PDE4B: variants seen among roughly 807,000 people sequenced by gnomAD.
PDE4B encodes 3',5'-cyclic-AMP phosphodiesterase 4B.
A neutral mutation model predicts 82.2 loss-of-function variants in PDE4B; 20 were observed. That is an observed-to-expected ratio of 0.24 (90% confidence interval 0.17 to 0.35). The LOEUF is 0.35. Among genes scored for constraint, PDE4B ranks in the 10% least tolerant of loss-of-function variants. The pLI, the probability that PDE4B is intolerant of heterozygous loss-of-function variation, is 1.00. For synonymous variants in PDE4B, 320 were observed against 318.9 expected (o/e 1.00, Z -0.04); for missense variants, 655 against 907.2 (o/e 0.72, Z 3.57).
chr1:65,852,089 C>CT (rs1273339527), intron 1 of PDE4B, among the ~76,000 whole-genome samples: 1 of 151,758 alleles, frequency 6.6e-6, no homozygotes, highest in Non-Finnish European at 1.5e-5. Flanking sequence ...TATATTATCC[C>CT]TTTTTTGTTT....
chr1:65,987,096 C>G (rs571858899), intron 3 of PDE4B, among the ~76,000 whole-genome samples: 1 of 152,294 alleles, frequency 6.6e-6, no homozygotes, highest in South Asian at 2.1e-4. Context: ...GTAGGGACCT[C>G]AAGGCCACTG....
At chr1:66,231,032 T>C (rs1440038277) in intron 3 of PDE4B, among the ~76,000 whole-genome samples, 1 of 106,924 alleles carries the variant, frequency 9.4e-6, no homozygotes, top group Admixed American at 1.0e-4. Flanking sequence ...AGAATCTGTC[T>C]AAAAAAAAAA....
intron 3 of PDE4B, among the ~76,000 whole-genome samples, chr1:66,179,538 TACTC>T (rs945350290): frequency 5.9e-5 from 9 of 152,206 alleles, no homozygotes; most frequent in African/African-American, 1.2e-4. Flanking sequence ...TCATAATAAA[TACTC>T]AGTCAATATA....
intron 3 of PDE4B, among the ~76,000 whole-genome samples, chr1:66,123,891 A>G (rs1645765291): frequency 6.6e-6 from 1 of 152,276 alleles, no homozygotes. Flanking sequence ...GTCTACTTCC[A>G]TAGGTTATCA....
chr1:66,139,001 A>G (rs984845844), intron 3 of PDE4B, among the ~76,000 whole-genome samples: 17 of 152,182 alleles, frequency 1.1e-4, no homozygotes, highest in Admixed American at 2.6e-4. Flanking sequence ...CTTTATCAAC[A>G]TATCAAAGGT....
chr1:65,867,133 A>C (rs1364946355), intron 1 of PDE4B, among the ~76,000 whole-genome samples: 2 of 152,178 alleles, frequency 1.3e-5, no homozygotes, highest in African/African-American at 4.8e-5. Flanking sequence ...ATTGAGGTAC[A>C]TTATAGTATT....
intron 7 of PDE4B, among the ~76,000 whole-genome samples, chr1:66,270,628 C>T (rs1257908431): frequency 1.3e-5 from 2 of 152,130 alleles, no homozygotes; most frequent in Non-Finnish European, 2.9e-5. Context: ...AAATGAGGCC[C>T]AGCACAAGCA....
intron 3 of PDE4B, among the ~76,000 whole-genome samples, chr1:65,999,883 G>A (rs1651767549): frequency 6.6e-6 from 1 of 152,166 alleles, no homozygotes; most frequent in Non-Finnish European, 1.5e-5. Flanking sequence ...GAAATGGAAA[G>A]GAAGCTTTGT....
chr1:66,134,917 C>T (rs1214429593), intron 3 of PDE4B, among the ~76,000 whole-genome samples: 1 of 152,162 alleles, frequency 6.6e-6, no homozygotes, highest in Admixed American at 6.5e-5. Context: ...AGCGTGAAGT[C>T]ATATCTGTAG....
intron 7 of PDE4B, among the ~76,000 whole-genome samples, chr1:66,277,758 C>A (rs928150033): frequency 1.3e-5 from 2 of 152,214 alleles, no homozygotes; most frequent in African/African-American, 2.4e-5. Context: ...ACATCTCATA[C>A]ATGCTCCCAG....
At chr1:65,843,890 C>T (rs1646237886) in intron 1 of PDE4B, among the ~76,000 whole-genome samples, 1 of 152,070 alleles carries the variant, frequency 6.6e-6, no homozygotes, top group Non-Finnish European at 1.5e-5. Context: ...TCGCCTGTTT[C>T]CACAGTATGA....
chr1:65,994,238 C>T (rs2100686193), intron 3 of PDE4B, among the ~76,000 whole-genome samples: 1 of 152,260 alleles, frequency 6.6e-6, no homozygotes, highest in Admixed American at 6.5e-5. Flanking sequence ...TCTGCTTAAT[C>T]TACTGTATAG....
intron 3 of PDE4B, among the ~76,000 whole-genome samples, chr1:65,970,292 A>G (rs115826398): frequency 0.012 from 1,762 of 152,058 alleles, 33 homozygotes; most frequent in African/African-American, 0.04. Context: ...GAAACTGACA[A>G]TACAAACCTA....
rs143439532 is a variant in PDE4B at position 66,261,651 on chromosome 1, C to T, written c.584+3788C>T. Among the ~76,000 whole-genome samples the T allele has an allele frequency of 1.4e-3, 210 of 152,302 alleles. 4 individuals carry two copies. The East Asian group carries it at 0.024, about 17-fold the overall frequency. Reference sequence around the variant, plus strand: ...TTTGGCTCTTTGCTGTGCATAAAAGCAGTCCATTGTCTGCTTGTGCTTTAC... The same window carrying T: ...TTTGGCTCTTTGCTGTGCATAAAAGTAGTCCATTGTCTGCTTGTGCTTTAC... On this transcript the variant is annotated intron_variant, in intron 6 of 16. Transcript: ENST00000341517.
At chr1:65,819,873 A>G (rs1645933081) in intron 1 of PDE4B, among the ~76,000 whole-genome samples, 1 of 152,210 alleles carries the variant, frequency 6.6e-6, no homozygotes, top group South Asian at 2.1e-4. Context: ...AGAAGGAATG[A>G]CCGCAGAGGT....
intron 1 of PDE4B, among the ~76,000 whole-genome samples, chr1:65,899,550 T>C (rs1225470904): frequency 6.6e-6 from 1 of 150,500 alleles, no homozygotes; most frequent in East Asian, 1.9e-4. Flanking sequence ...AATTCGCAAT[T>C]GCAAAAACGT....
chr1:66,340,375 G>A (rs76291896), intron 8 of PDE4B, among the ~76,000 whole-genome samples: 5 of 152,156 alleles, frequency 3.3e-5, no homozygotes, highest in African/African-American at 1.2e-4. Flanking sequence ...GGAAGTGCCA[G>A]ATAATTTTTT....
chr1:66,053,678 G>A (rs907780109), intron 3 of PDE4B, among the ~76,000 whole-genome samples: 8 of 152,094 alleles, frequency 5.3e-5, no homozygotes, highest in Non-Finnish European at 1.2e-4. Flanking sequence ...GACCAACATG[G>A]TGAAACCCCA....
chr1:66,351,324 T>C (rs983889848), intron 8 of PDE4B, among the ~76,000 whole-genome samples: 1 of 152,242 alleles, frequency 6.6e-6, no homozygotes, highest in African/African-American at 2.4e-5. Context: ...AAATAATGTG[T>C]TCCTGTTTGT....
Sources: gnomAD v4.1 joint callset for allele counts (sites outside exome capture counted in the v4.1 genomes callset) on GRCh38, gnomAD v4.1.1 for gene constraint, MANE v1.5 for transcripts, NCBI Gene and HGNC (gene_info 2026-07-23, HGNC 2026-07-21) for gene names.